The following SCRG1 variants were observed in gnomAD, a reference collection of about 807,000 sequenced individuals.
SCRG1 encodes the protein stimulator of chondrogenesis 1, also known as scrapie-responsive protein 1.
A neutral mutation model predicts 7.7 loss-of-function variants in SCRG1; 3 were observed. The ratio of observed to expected loss-of-function variants is 0.39; its 90% CI spans 0.18 to 1.01. The LOEUF (loss-of-function observed/expected upper bound fraction) is 1.01. Among genes scored for constraint, SCRG1 ranks in the 50% least tolerant of loss-of-function variants. SCRG1 has a pLI of 0.36. For synonymous variants in SCRG1, 46 were observed against 41.2 expected (o/e 1.12, Z -0.44); for missense variants, 110 against 117.2 (o/e 0.94, Z 0.28).
chr4:173,487,347 A>G, the SCRG1 span, among the ~76,000 whole-genome samples: 5 of 152,228 alleles, frequency 3.3e-5, no homozygotes, highest in Non-Finnish European at 7.3e-5. Context: ...CAGGATAATG[A>G]CAACCAGAAC....
the SCRG1 span, among the ~76,000 whole-genome samples, chr4:173,476,363 A>AAAAAAAATATATATATATATATATATAT: frequency 1.5e-3 from 152 of 98,402 alleles, 2 homozygotes; most frequent in Non-Finnish European, 2.6e-3. Context: ...GGAAAAAAAA[A>AAAAAAAATATATATATATATATATATAT]ATATATATAT....
At chr4:173,509,898 C>A in the SCRG1 span, among the ~76,000 whole-genome samples, 74 of 152,334 alleles carry the variant, frequency 4.9e-4, no homozygotes, top group East Asian at 0.013. This position sits in a 1 kb window ranked among gnomAD's most constrained non-coding sequence, Gnocchi z 5.7. Flanking sequence ...GACTCGGGCC[C>A]AGTACCTGCG....
chr4:173,469,375 ATTTAATT>A, the SCRG1 span: 1 of 152,180 alleles, frequency 6.6e-6, no homozygotes, highest in African/African-American at 2.4e-5. Flanking sequence ...AATGTAGAAT[ATTTAATT>A]TTTATGAATT....
chr4:173,481,050 C>A, the SCRG1 span, among the ~76,000 whole-genome samples: 4 of 152,154 alleles, frequency 2.6e-5, no homozygotes, highest in East Asian at 7.7e-4. Flanking sequence ...CCAGATCACC[C>A]TTCCAAATGA....
chr4:173,468,572 G>A, the SCRG1 span: 1 of 152,202 alleles, frequency 6.6e-6, no homozygotes, highest in Non-Finnish European at 1.5e-5. Context: ...ATCAGACATG[G>A]ATGGCTGCCT....
At chr4:173,497,846 T>C in the SCRG1 span, among the ~76,000 whole-genome samples, 6 of 151,836 alleles carry the variant, frequency 4.0e-5, no homozygotes, top group South Asian at 6.3e-4. Context: ...AGTTTTCTTT[T>C]TTTCTTAATT....
the SCRG1 span, among the ~76,000 whole-genome samples, chr4:173,484,931 T>TTATATTATATATTATATATAATATTATA: frequency 1.7e-5 from 1 of 58,240 alleles, no homozygotes; most frequent in African/African-American, 6.9e-5. Context: ...ATATTATATA[T>TTATATTATATATTATATATAATATTATA]TATATTATAT....
the SCRG1 span, among the ~76,000 whole-genome samples, chr4:173,443,158 A>G: frequency 6.6e-6 from 1 of 152,142 alleles, no homozygotes; most frequent in Non-Finnish European, 1.5e-5. Flanking sequence ...TTCTAGTTTT[A>G]CCTTCTACCA....
chr4:173,422,075 A>G, the SCRG1 span, among the ~76,000 whole-genome samples: 1 of 152,224 alleles, frequency 6.6e-6, no homozygotes, highest in African/African-American at 2.4e-5. Context: ...TGGCTGAAAC[A>G]TATTTTTATA....
chr4:173,488,388 T>C, the SCRG1 span, among the ~76,000 whole-genome samples: 1 of 152,154 alleles, frequency 6.6e-6, no homozygotes. Context: ...ACTATGGGCA[T>C]GCAGGGGGAA....
rs1421367232 is a variant in SCRG1, at chr4:173,387,046, C to T, written c.*1295G>A. The T allele has an allele frequency of 6.6e-6, 1 of 152,162 alleles. No individual in the cohort carries two copies. Among genetic ancestry groups the T allele is most frequent in the East Asian group, 1.9e-4 (1 of 5,196 alleles). 9.4% of individuals were successfully genotyped at this position (152,162 alleles called of 1,614,324 possible). A position where few individuals can be genotyped will look rare whatever the true frequency, so the allele number is the denominator to read the frequency against. On this transcript the variant is annotated 3_prime_UTR_variant, in exon 3 of 3. Coordinates refer to ENST00000296506, the MANE Select transcript of SCRG1 (RefSeq NM_007281.4). Reference sequence around the variant, plus strand: ...AATCAGAAAATACCTTTGAAGTTCCCTGTTTTATTTACTTTTAAAATGTAT... The same window carrying T: ...AATCAGAAAATACCTTTGAAGTTCCTTGTTTTATTTACTTTTAAAATGTAT...
At chr4:173,389,427 T>C (rs1739353941) in intron 2 of SCRG1, among the ~76,000 whole-genome samples, 1 of 152,048 alleles carries the variant, frequency 6.6e-6, no homozygotes, top group Non-Finnish European at 1.5e-5. Context: ...TCCCAGCTAC[T>C]CGAGAGGCTG....
the SCRG1 span, among the ~76,000 whole-genome samples, chr4:173,511,451 T>G: frequency 3.9e-5 from 6 of 152,310 alleles, no homozygotes; most frequent in South Asian, 2.1e-4. This position sits in a 1 kb window ranked among gnomAD's most constrained non-coding sequence, Gnocchi z 5.2. Context: ...GTTTTGTTTT[T>G]TTTCTGCAAA....
At chr4:173,429,263 G>A in the SCRG1 span, among the ~76,000 whole-genome samples, 1 of 150,766 alleles carries the variant, frequency 6.6e-6, no homozygotes, top group Admixed American at 6.6e-5. Flanking sequence ...AACCATTCTT[G>A]TTTTGTTTTG....
intron 1 of SCRG1, among the ~76,000 whole-genome samples, chr4:173,392,804 G>T (rs1242186723): frequency 6.6e-6 from 1 of 152,062 alleles, no homozygotes; most frequent in African/African-American, 2.4e-5. Context: ...ACAATATTGT[G>T]GAATAGCCAG....
the SCRG1 span, among the ~76,000 whole-genome samples, chr4:173,434,047 C>A: frequency 6.6e-6 from 1 of 152,118 alleles, no homozygotes; most frequent in Non-Finnish European, 1.5e-5. Context: ...GTTAAAATAC[C>A]TAGTGTGGTG....
the SCRG1 span, among the ~76,000 whole-genome samples, chr4:173,462,994 C>T: frequency 1.3e-5 from 2 of 152,020 alleles, no homozygotes; most frequent in Non-Finnish European, 1.5e-5. Context: ...AATCATATCA[C>T]CACAGAAAAT....
the SCRG1 span, among the ~76,000 whole-genome samples, chr4:173,415,326 C>G: frequency 6.6e-6 from 1 of 152,210 alleles, no homozygotes; most frequent in Non-Finnish European, 1.5e-5. Context: ...GATTGAGTAA[C>G]TAGAACAGAG....
the SCRG1 span, among the ~76,000 whole-genome samples, chr4:173,498,738 A>ATGTG: frequency 2.0e-5 from 3 of 151,850 alleles, no homozygotes; most frequent in Non-Finnish European, 2.9e-5. Context: ...ATGTATGTAT[A>ATGTG]TGTGTGTGTG....
Sources: gnomAD v4.1 joint callset for allele counts (sites outside exome capture counted in the v4.1 genomes callset) on GRCh38, gnomAD v4.1.1 for gene constraint, Gnocchi (gnomAD v3.1) non-coding constraint, MANE v1.5 for transcripts, NCBI Gene and HGNC (gene_info 2026-07-23, HGNC 2026-07-21) for gene names.